The following ASAP2 variants were observed in gnomAD, a reference collection of about 807,000 sequenced individuals.
ASAP2 encodes the protein arf-GAP with SH3 domain, ANK repeat and PH domain-containing protein 2.
In ASAP2, 45 loss-of-function variants were observed where a neutral mutation model predicts 131.4. That is an observed-to-expected ratio of 0.34 (90% CI 0.27 to 0.44). The LOEUF is 0.44. ASAP2 is among the 20% of genes least tolerant of loss of function. The probability of loss-of-function intolerance (pLI) is 1.00; values close to 1 mark genes in which losing one functional copy is unlikely to be tolerated. For missense variants in ASAP2, 1,011 were observed against 1,297.0 expected (o/e 0.78, Z 3.39); for synonymous variants, 510 against 503.0 (o/e 1.01, Z -0.19).
intron 1 of ASAP2, among the ~76,000 whole-genome samples, chr2:9,254,960 G>A (rs551297622): frequency 1.3e-4 from 20 of 152,304 alleles, no homozygotes; most frequent in South Asian, 4.1e-4. Flanking sequence ...TGCAATTGCC[G>A]TGTTGTGTGC....
At position 9,403,400 on chromosome 2, in the gene ASAP2, C is replaced by A. The variant is rs956432295; in HGVS notation, c.*73C>A. 2.1e-6 allele frequency: 3 copies of A among 1,456,444 alleles called. No individual in the cohort carries two copies. Among genetic ancestry groups the A allele is most frequent in the South Asian group, 1.2e-5 (1 of 85,326 alleles). The allele number at this position is 1,456,444 out of a possible 1,614,324, so 90.2% of individuals were successfully genotyped here. On this transcript the variant is annotated 3_prime_UTR_variant, in exon 28 of 28. Coordinates refer to ENST00000281419, the MANE Select transcript of ASAP2 (RefSeq NM_003887.3). ...TGGTACCAAAACTCTTGCCAGATAA[C>A]CAGTTTCATGAACTGTTTGTATGGC...
At chr2:9,339,913 G>A (rs1168485916) in intron 9 of ASAP2, among the ~76,000 whole-genome samples, 2 of 152,114 alleles carry the variant, frequency 1.3e-5, no homozygotes, top group Non-Finnish European at 2.9e-5. Flanking sequence ...TCCATTGCAG[G>A]GCATTTCCTG....
rs1217925123 is a variant in ASAP2 at position 9,221,517 on chromosome 2, ACTT to A, written c.126+14293_126+14295del. Among the ~76,000 whole-genome samples the A allele has an allele frequency of 6.6e-5, 10 of 152,076 alleles. No individual in the cohort carries two copies. The East Asian group carries it at 1.7e-3, about 26-fold the overall frequency. ...GTAGTTTTCAATGTACAAATCTTAC[ACTT>A]CTTCTGTTAAATTTATTCCTAAGTA... On this transcript the variant is annotated intron_variant, in intron 1 of 27. Transcript: ENST00000281419.
Position 9,237,868 on chromosome 2 carries a change from C to T in ASAP2, c.126+30638C>T, listed in dbSNP as rs569484691. 2.6e-5 allele frequency among the ~76,000 whole-genome samples: 4 copies of T among 152,296 alleles called. No individual in the cohort carries two copies. The East Asian group carries it at 7.7e-4, about 29-fold the overall frequency. On this transcript the variant is annotated intron_variant, in intron 1 of 27. Coordinates refer to ENST00000281419, the MANE Select transcript of ASAP2 (RefSeq NM_003887.3). ...TTGAGGAAAACCAGTGAGATGATCC[C>T]ATCTCTTCCCATGATTTTGAGAGTA...
intron 3 of ASAP2, among the ~76,000 whole-genome samples, chr2:9,308,898 T>G (rs1369474917): frequency 6.6e-6 from 1 of 152,188 alleles, no homozygotes; most frequent in African/African-American, 2.4e-5. Context: ...GCCATTTTAG[T>G]CAGTACCTTG....
chr2:9,393,922 C>G (rs191173655), intron 24 of ASAP2, among the ~76,000 whole-genome samples: 3 of 152,252 alleles, frequency 2.0e-5, no homozygotes, highest in African/African-American at 4.8e-5. Flanking sequence ...GCTCACCCCC[C>G]AGGTGGTCTC....
At chr2:9,374,712 A>G (rs1674253477) in intron 16 of ASAP2, 43 bp from the exon 17 acceptor site, 2 of 1,540,598 alleles carry the variant, frequency 1.3e-6, no homozygotes, top group African/African-American at 2.8e-5. Context: ...GACGGCGGGT[A>G]GAAGCCCTTC....
intron 2 of ASAP2, among the ~76,000 whole-genome samples, chr2:9,280,377 A>G (rs1435510199): frequency 6.6e-6 from 1 of 152,040 alleles, no homozygotes; most frequent in Admixed American, 6.6e-5. Flanking sequence ...ACCAGTTACA[A>G]TAGGGCGGGC....
rs564771034 is a variant in ASAP2 at position 9,264,832 on chromosome 2, C to G, written c.127-14485C>G. Among the ~76,000 whole-genome samples, 47 of 152,190 alleles carry G rather than the reference C, an allele frequency of 3.1e-4. 1 individual carries two copies. In the South Asian group the frequency reaches 9.1e-3, roughly 30 times the overall value. On this transcript the variant is annotated intron_variant, in intron 1 of 27. Transcript: ENST00000281419. ...AAAAAATATCCAATAAAAACTAATACAGCAATTTAAAAAATACAAATTTTG... is the reference window on the plus strand; with the variant it reads ...AAAAAATATCCAATAAAAACTAATAGAGCAATTTAAAAAATACAAATTTTG...
In ASAP2 at chr2:9,369,287, G is replaced by A. The variant is rs553520149; in HGVS notation, c.1556+768G>A. On this transcript the variant is annotated intron_variant, in intron 16 of 27. Coordinates refer to ENST00000281419, the MANE Select transcript of ASAP2 (RefSeq NM_003887.3). ...ACTCGCTGCAGCCTCCCAAAGTGCT[G>A]GGATTACAGGCGTGAGGCACCGTGC... Among the ~76,000 whole-genome samples, 4 of 152,292 alleles carry A rather than the reference G, an allele frequency of 2.6e-5. No homozygotes were observed. The East Asian group carries it at 7.7e-4, about 29-fold the overall frequency.
At chr2:9,384,138 T>G (rs922258986) in intron 20 of ASAP2, among the ~76,000 whole-genome samples, 8 of 152,146 alleles carry the variant, frequency 5.3e-5, no homozygotes, top group African/African-American at 1.7e-4. Context: ...GTTGTGCACA[T>G]GTACCCTAGA....
chr2:9,361,371 T>G (rs1673064891), intron 15 of ASAP2, among the ~76,000 whole-genome samples: 1 of 152,118 alleles, frequency 6.6e-6, no homozygotes, highest in African/African-American at 2.4e-5. Context: ...TCCCCACGGC[T>G]CCCCCAATCC....
intron 24 of ASAP2, chr2:9,398,981 G>C (rs909742401): frequency 1.3e-5 from 2 of 152,210 alleles, no homozygotes; most frequent in African/African-American, 4.8e-5. Context: ...TGTCTGCAGA[G>C]ACATTTACAC....
chr2:9,207,197 G>C lies in ASAP2; in HGVS notation c.93G>C (p.Ala31=), dbSNP rs778938210. Residue 31 remains alanine, a synonymous_variant, in exon 1 of 28, where the codon GCG becomes GCC. Transcript: ENST00000281419. This position sits in a 1 kb window ranked among gnomAD's most constrained non-coding sequence, Gnocchi z 4.1. The stretch of plus-strand genomic sequence containing the variant: ...CCTCCAGCTTCACCACCCGCACGGC[G>C]CAGTGCCGGAACACTGTGGCGGCCA... The part of the protein sequence containing the change: ...PTASSFTTRT[A]QCRNTVAAIE... 6.2e-7 allele frequency: 1 copy of C among 1,601,408 alleles called. No individual in the cohort carries two copies. The highest frequency in any genetic ancestry group is 8.5e-7 in the Non-Finnish European group (1 of 1,174,966).
At chr2:9,391,296 G>C in intron 23 of ASAP2, 100 bp downstream of exon 23, 1 of 1,480,306 alleles carries the variant, frequency 6.8e-7, no homozygotes, top group Non-Finnish European at 9.1e-7. Context: ...ACAGACACGT[G>C]CCAAGTGCCC....
chr2:9,320,276 C>G lies in ASAP2; in HGVS notation c.421-12C>G, dbSNP rs373023360. The G allele has an allele frequency of 3.7e-6, 6 of 1,605,562 alleles. No individual in the cohort carries two copies. The African/African-American group carries it at 8.0e-5, about 21-fold the overall frequency. On this transcript the variant is annotated splice_polypyrimidine_tract_variant and intron_variant, in intron 4 of 27. Transcript: ENST00000281419. ...GATTAGTCTTGCCTAATTTATTATT[C>G]TTTGTTTACAGGATCTGAAAAAGCC...
intron 22 of ASAP2, 72 bp downstream of exon 22, chr2:9,388,618 C>T: frequency 6.5e-7 from 1 of 1,547,654 alleles, no homozygotes. Context: ...TTTGCAGCTG[C>T]CCTGCCTCCA....
chr2:9,339,246 A>G (rs1671422869), intron 9 of ASAP2, among the ~76,000 whole-genome samples: 1 of 152,078 alleles, frequency 6.6e-6, no homozygotes, highest in African/African-American at 2.4e-5. Flanking sequence ...AGGCTGGTGG[A>G]GAGGACAGCT....
intron 9 of ASAP2, among the ~76,000 whole-genome samples, chr2:9,338,148 G>A (rs1430403749): frequency 1.3e-5 from 2 of 152,196 alleles, no homozygotes; most frequent in African/African-American, 2.4e-5. Context: ...CATCACTTGT[G>A]TGCAGGCTCT....
Sources: gnomAD v4.1 joint callset for allele counts (sites outside exome capture counted in the v4.1 genomes callset) on GRCh38, gnomAD v4.1.1 for gene constraint, Gnocchi (gnomAD v3.1) non-coding constraint, MANE v1.5 for transcripts, NCBI Gene and HGNC (gene_info 2026-07-23, HGNC 2026-07-21) for gene names.